LDAH: variants seen among roughly 807,000 people sequenced by gnomAD.
LDAH encodes lipid droplet-associated hydrolase.
Under a neutral mutation model 29.6 loss-of-function variants are expected in LDAH, and 26 were observed. The observed-to-expected ratio is 0.88, with a 90% CI of 0.64 to 1.22. The LOEUF (loss-of-function observed/expected upper bound fraction) is 1.22. Among genes scored for constraint, LDAH ranks in the 50% most tolerant of loss-of-function variants. The probability of loss-of-function intolerance (pLI) is 0.00; values close to 1 mark genes in which losing one functional copy is unlikely to be tolerated. For missense variants in LDAH, 344 were observed against 387.3 expected (o/e 0.89, Z 0.94); for synonymous variants, 117 against 133.0 (o/e 0.88, Z 0.83).
intron 2 of LDAH, among the ~76,000 whole-genome samples, chr2:20,797,281 A>T (rs1671365478): frequency 6.6e-6 from 1 of 152,208 alleles, no homozygotes; most frequent in African/African-American, 2.4e-5. Flanking sequence ...AAGAGGCTGG[A>T]CTAGGCATAA....
rs1672923130 is a variant in LDAH at position 20,817,416 on chromosome 2, A to C, written c.-3+5621T>G. Reference sequence around the variant, plus strand: ...CTGACAAAGGCAGTACAAAACAAACAAGCAAAAAACTACAACACATCTCTC... The same window carrying C: ...CTGACAAAGGCAGTACAAAACAAACCAGCAAAAAACTACAACACATCTCTC... On this transcript the variant is annotated intron_variant, in intron 1 of 6. Coordinates refer to ENST00000237822, the MANE Select transcript of LDAH (RefSeq NM_021925.4). Among the ~76,000 whole-genome samples the C allele has an allele frequency of 3.3e-5, 5 of 152,028 alleles. No individual in the cohort carries two copies. The South Asian group carries it at 1.0e-3, about 31-fold the overall frequency.
intron 6 of LDAH, among the ~76,000 whole-genome samples, chr2:20,692,633 T>C (rs909049431): frequency 6.6e-6 from 1 of 152,258 alleles, no homozygotes; most frequent in Non-Finnish European, 1.5e-5. Flanking sequence ...GTTAACCTTA[T>C]GGATAAACTG....
intron 4 of LDAH, among the ~76,000 whole-genome samples, chr2:20,767,957 G>T (rs1669153372): frequency 6.6e-6 from 1 of 152,120 alleles, no homozygotes; most frequent in Non-Finnish European, 1.5e-5. Flanking sequence ...GCTGCAGGAT[G>T]GGATGACCAG....
At chr2:20,820,460 A>G (rs1219367187) in intron 1 of LDAH, among the ~76,000 whole-genome samples, 1 of 152,164 alleles carries the variant, frequency 6.6e-6, no homozygotes, top group Non-Finnish European at 1.5e-5. Flanking sequence ...AAATAATACC[A>G]CACATCTACA....
At chr2:20,725,269 GA>G (rs1250343424) in intron 5 of LDAH, among the ~76,000 whole-genome samples, 1 of 152,094 alleles carries the variant, frequency 6.6e-6, no homozygotes, top group African/African-American at 2.4e-5. Context: ...TAATACCGAT[GA>G]AATGCCAAAC....
intron 1 of LDAH, among the ~76,000 whole-genome samples, chr2:20,807,425 G>A (rs938570523): frequency 6.6e-6 from 1 of 152,094 alleles, no homozygotes; most frequent in Non-Finnish European, 1.5e-5. Context: ...AATTAAGGTT[G>A]AGATAGATGC....
chr2:20,800,561 A>G (rs1335955752), intron 2 of LDAH, among the ~76,000 whole-genome samples: 2 of 152,244 alleles, frequency 1.3e-5, no homozygotes, highest in Admixed American at 6.5e-5. Flanking sequence ...ATGATCTAGC[A>G]AAAGTTACAA....
In LDAH at chr2:20,698,572, C is replaced by T. The variant is rs1391479227; in HGVS notation, c.786+2998G>A. Reference sequence around the variant, plus strand: ...GCGGGTACCTGTAATCCCAGCTACTCGGGAGGCTGAGGCAAGAAAATCGCT... The same window carrying T: ...GCGGGTACCTGTAATCCCAGCTACTTGGGAGGCTGAGGCAAGAAAATCGCT... On this transcript the variant is annotated intron_variant, in intron 6 of 6. Transcript: ENST00000237822. This position sits in a 1 kb window ranked among gnomAD's most constrained non-coding sequence, Gnocchi z 4.4. Among the ~76,000 whole-genome samples the T allele has an allele frequency of 2.0e-5, 3 of 151,900 alleles. No individual in the cohort carries two copies. The highest frequency in any genetic ancestry group is 2.9e-5 in the Non-Finnish European group (2 of 67,978).
chr2:20,792,895 T>A lies in LDAH; in HGVS notation c.155-2497A>T, dbSNP rs1305901641. 3.3e-5 allele frequency among the ~76,000 whole-genome samples: 5 copies of A among 152,266 alleles called. No individual in the cohort carries two copies. The South Asian group carries it at 1.0e-3, about 32-fold the overall frequency. On this transcript the variant is annotated intron_variant, in intron 2 of 6. Transcript: ENST00000237822. Reference sequence around the variant, plus strand: ...GTAACAAACGTGCACATTCTGCACATGTATCCCAGAACTTAACATATTTTT... The same window carrying A: ...GTAACAAACGTGCACATTCTGCACAAGTATCCCAGAACTTAACATATTTTT...
At chr2:20,756,705 A>G (rs1264695316) in intron 4 of LDAH, among the ~76,000 whole-genome samples, 1 of 152,198 alleles carries the variant, frequency 6.6e-6, no homozygotes, top group Non-Finnish European at 1.5e-5. Context: ...GGATAATGGA[A>G]AAGAAAATAA....
At chr2:20,761,912 G>A (rs1668717630) in intron 4 of LDAH, among the ~76,000 whole-genome samples, 1 of 150,158 alleles carries the variant, frequency 6.7e-6, no homozygotes, top group Non-Finnish European at 1.5e-5. Flanking sequence ...CTATAATAGT[G>A]AATAAATATA....
intron 5 of LDAH, among the ~76,000 whole-genome samples, chr2:20,732,245 A>G (rs899098742): frequency 6.6e-6 from 1 of 152,160 alleles, no homozygotes; most frequent in Non-Finnish European, 1.5e-5. Context: ...TTGGTAATAG[A>G]ATAGTATATA....
chr2:20,814,915 C>A (rs1475256826), intron 1 of LDAH, among the ~76,000 whole-genome samples: 1 of 151,824 alleles, frequency 6.6e-6, no homozygotes, highest in Non-Finnish European at 1.5e-5. Context: ...TTACCTGAGA[C>A]AAAAAGAGAA....
rs1334185228 is a variant in LDAH at position 20,789,150 on chromosome 2, C to T, written c.298+1105G>A. The T allele has an allele frequency of 5.2e-6, 8 of 1,550,394 alleles. No homozygotes were observed. The Admixed American group carries it at 9.8e-5, about 19-fold the overall frequency. ...AATTTTATTCAATTGTGAAAACCAGCTGTAATGGTCTGAATGCTTATATGG... is the reference window on the plus strand; with the variant it reads ...AATTTTATTCAATTGTGAAAACCAGTTGTAATGGTCTGAATGCTTATATGG... On this transcript the variant is annotated intron_variant, in intron 3 of 6. Transcript: ENST00000237822.
intron 4 of LDAH, among the ~76,000 whole-genome samples, chr2:20,747,043 T>C (rs1004720196): frequency 6.6e-6 from 1 of 152,104 alleles, no homozygotes; most frequent in Non-Finnish European, 1.5e-5. Context: ...TGTAATCATT[T>C]TTTAGAAAAG....
chr2:20,762,230 C>T (rs563459243), intron 4 of LDAH, among the ~76,000 whole-genome samples: 152 of 152,050 alleles, frequency 1.0e-3, no homozygotes, highest in African/African-American at 3.4e-3. Flanking sequence ...TAGTTTTGCA[C>T]ATGATTTTTT....
chr2:20,808,847 T>C (rs1672272556), intron 1 of LDAH, among the ~76,000 whole-genome samples: 1 of 152,076 alleles, frequency 6.6e-6, no homozygotes, highest in South Asian at 2.1e-4. Context: ...GACAATGGCG[T>C]TCATGCAGAG....
intron 2 of LDAH, among the ~76,000 whole-genome samples, chr2:20,799,793 C>CA (rs1410596730): frequency 6.6e-6 from 1 of 151,064 alleles, no homozygotes. Context: ...CTAATGAAGC[C>CA]AAAAAATATA....
At chr2:20,756,280 C>G (rs912439004) in intron 4 of LDAH, among the ~76,000 whole-genome samples, 4 of 152,078 alleles carry the variant, frequency 2.6e-5, no homozygotes, top group Non-Finnish European at 5.9e-5. Flanking sequence ...GGTGATCCAC[C>G]CACCTCGGCC....
Sources: allele counts gnomAD v4.1 joint callset (sites outside exome capture counted in the v4.1 genomes callset), GRCh38; gene constraint gnomAD v4.1.1; non-coding constraint Gnocchi (gnomAD v3.1); transcripts MANE v1.5; gene names NCBI Gene and HGNC (gene_info 2026-07-23, HGNC 2026-07-21).